GRM3: variants seen among roughly 807,000 people sequenced by gnomAD.
GRM3 encodes the protein glutamate metabotropic receptor 3.
GRM3 carries 26 observed loss-of-function variants against 70.5 expected under a neutral mutation model. That is an observed-to-expected ratio of 0.37 (90% CI 0.27 to 0.51). The LOEUF (loss-of-function observed/expected upper bound fraction) is 0.51. GRM3 is among the 20% of genes least tolerant of loss of function. The pLI is 0.93. For synonymous variants in GRM3, 443 were observed against 434.9 expected, an observed-to-expected ratio of 1.02 and a Z score of -0.23; for missense variants, 859 against 1,123.8, an observed-to-expected ratio of 0.76 and a Z score of 3.37.
At chr7:86,829,132 C>T (rs1004529360) in intron 3 of GRM3, among the ~76,000 whole-genome samples, 3 of 152,192 alleles carry the variant, frequency 2.0e-5, no homozygotes, top group African/African-American at 7.2e-5. Context: ...CAGTGACTTC[C>T]TCCACTGAAG....
At chr7:86,726,223 G>A (rs1795590266) in intron 1 of GRM3, among the ~76,000 whole-genome samples, 1 of 152,202 alleles carries the variant, frequency 6.6e-6, no homozygotes, top group African/African-American at 2.4e-5. Flanking sequence ...TCATGACTAA[G>A]TATATTCACA....
At chr7:86,705,654 A>C (rs776213146) in intron 1 of GRM3, among the ~76,000 whole-genome samples, 2 of 152,066 alleles carry the variant, frequency 1.3e-5, no homozygotes, top group Non-Finnish European at 2.9e-5. Flanking sequence ...TTTGTTTTGC[A>C]TACATAATTT....
rs1196700162 is a variant in GRM3 at position 86,850,491 on chromosome 7, G to A, written c.2513G>A (p.Arg838Lys). 1.9e-6 allele frequency: 3 copies of A among 1,611,760 alleles called. No homozygotes were observed. Among genetic ancestry groups the A allele is most frequent in the South Asian group, 2.2e-5 (2 of 91,016 alleles). ...FQPQKNVVTH[R>K]LHLNRFSVSG... is the part of the protein sequence containing the mutation. ...CCCCAGAAGAATGTTGTCACACACAGACTGCACCTCAACAGGTTCAGTGTC... is the reference window on the plus strand; with the variant it reads ...CCCCAGAAGAATGTTGTCACACACAAACTGCACCTCAACAGGTTCAGTGTC... The change falls in exon 5 of 6, where the codon AGA becomes AAA. Residue 838 changes from arginine to lysine, a missense_variant. By Grantham distance (26) the Arg-to-Lys change is conservative. Transcript: ENST00000361669.
At chr7:86,764,728 C>T (rs956762735) in intron 1 of GRM3, among the ~76,000 whole-genome samples, 6 of 151,906 alleles carry the variant, frequency 3.9e-5, no homozygotes, top group Non-Finnish European at 8.8e-5. Flanking sequence ...CACAAAAAAA[C>T]TGGAGTCCAA....
chr7:86,861,774 A>C (rs890620673), intron 5 of GRM3, among the ~76,000 whole-genome samples: 3 of 152,244 alleles, frequency 2.0e-5, no homozygotes, highest in African/African-American at 7.2e-5. Flanking sequence ...GCCAGAATAA[A>C]GAGTTAGAGC....
At chr7:86,658,547 T>C (rs1248379330) in intron 1 of GRM3, among the ~76,000 whole-genome samples, 1 of 152,146 alleles carries the variant, frequency 6.6e-6, no homozygotes, top group African/African-American at 2.4e-5. Context: ...GTATTTTCCT[T>C]CATCACACTT....
intron 1 of GRM3, among the ~76,000 whole-genome samples, chr7:86,664,931 G>T (rs1022524113): frequency 2.0e-5 from 3 of 152,024 alleles, no homozygotes; most frequent in African/African-American, 7.2e-5. Context: ...CCAGAGAGGA[G>T]ATTGCTTTTA....
intron 5 of GRM3, among the ~76,000 whole-genome samples, chr7:86,852,270 A>G (rs77231425): frequency 0.027 from 4,127 of 152,200 alleles, 182 homozygotes; most frequent in African/African-American, 0.095. Flanking sequence ...TTTGCTTGTT[A>G]TTAGAACAAT....
At chr7:86,752,726 T>C (rs1223558299) in intron 1 of GRM3, among the ~76,000 whole-genome samples, 1 of 152,024 alleles carries the variant, frequency 6.6e-6, no homozygotes, top group African/African-American at 2.4e-5. Context: ...TCTATTGTGA[T>C]GGGATAGTGA....
In GRM3 at chr7:86,838,832, A is replaced by G. The variant is rs936238554; in HGVS notation, c.1325-7A>G. The G allele has an allele frequency of 1.9e-6, 3 of 1,551,592 alleles. No homozygotes were observed. The South Asian group carries it at 3.5e-5, about 18-fold the overall frequency. On this transcript the variant is annotated splice_region_variant and splice_polypyrimidine_tract_variant and intron_variant, in intron 3 of 5. Transcript: ENST00000361669. ...TTCTTTTTTTTCTTTCACTTTACAT[A>G]TCACAGCTCCATTCAACCCAAATAA...
At chr7:86,748,607 G>A (rs1006286997) in intron 1 of GRM3, among the ~76,000 whole-genome samples, 2 of 152,012 alleles carry the variant, frequency 1.3e-5, no homozygotes, top group Admixed American at 6.6e-5. Context: ...GATGATACCG[G>A]AGGCTTTCTT....
At chr7:86,700,828 A>G (rs1483132994) in intron 1 of GRM3, among the ~76,000 whole-genome samples, 6 of 151,938 alleles carry the variant, frequency 3.9e-5, no homozygotes, top group African/African-American at 1.4e-4. Context: ...GCTGGAAATG[A>G]TAAATACTAA....
At chr7:86,798,669 G>C (rs1797613116) in intron 3 of GRM3, among the ~76,000 whole-genome samples, 2 of 152,142 alleles carry the variant, frequency 1.3e-5, no homozygotes, top group African/African-American at 4.8e-5. Context: ...AAGACTTTGG[G>C]GGACTCTTGG....
At chr7:86,698,341 C>T (rs1472506990) in intron 1 of GRM3, among the ~76,000 whole-genome samples, 1 of 151,792 alleles carries the variant, frequency 6.6e-6, no homozygotes, top group East Asian at 1.9e-4. Context: ...AAAGAAGTCC[C>T]TTCCTTAAAA....
At chr7:86,794,935 C>T (rs901820959) in intron 3 of GRM3, among the ~76,000 whole-genome samples, 3 of 148,830 alleles carry the variant, frequency 2.0e-5, no homozygotes, top group African/African-American at 7.4e-5. Context: ...CTTAAATTTA[C>T]AAAATAACAT....
chr7:86,667,467 T>C (rs1374054405), intron 1 of GRM3, among the ~76,000 whole-genome samples: 1 of 152,140 alleles, frequency 6.6e-6, no homozygotes, highest in Non-Finnish European at 1.5e-5. Flanking sequence ...GCTATTACAA[T>C]AAACACTAAG....
chr7:86,783,518 T>C (rs1272371065), intron 2 of GRM3, among the ~76,000 whole-genome samples: 1 of 69,046 alleles, frequency 1.4e-5, no homozygotes, highest in Admixed American at 1.2e-4. Flanking sequence ...TATGTTTGTG[T>C]GTGTGTGTGT....
chr7:86,716,378 T>C (rs1196197876), intron 1 of GRM3, among the ~76,000 whole-genome samples: 1 of 151,990 alleles, frequency 6.6e-6, no homozygotes, highest in African/African-American at 2.4e-5. Context: ...TTCCACTTAA[T>C]CCTCAAATCA....
chr7:86,794,596 T>C (rs538847946), intron 3 of GRM3, among the ~76,000 whole-genome samples: 19 of 152,320 alleles, frequency 1.2e-4, no homozygotes, highest in African/African-American at 4.6e-4. Context: ...TGAAAACTAG[T>C]CACCATTTTC....
Sources: allele counts gnomAD v4.1 joint callset (sites outside exome capture counted in the v4.1 genomes callset), GRCh38; gene constraint gnomAD v4.1.1; transcripts MANE v1.5; gene names NCBI Gene and HGNC (gene_info 2026-07-23, HGNC 2026-07-21).